The following XRCC5 variants were observed in gnomAD, a reference collection of about 807,000 sequenced individuals.
XRCC5 encodes the protein X-ray repair cross complementing 5.
Under a neutral mutation model 95.7 loss-of-function variants are expected in XRCC5, and 12 were observed. That is an observed-to-expected ratio of 0.13 (90% CI 0.08 to 0.20). The LOEUF (loss-of-function observed/expected upper bound fraction) is 0.20, where lower values mean the gene tolerates loss of function less well. Among genes scored for constraint, XRCC5 ranks in the 10% least tolerant of loss-of-function variants. The pLI is 1.00. For synonymous variants in XRCC5, 281 were observed against 290.3 expected (o/e 0.97, Z 0.33); for missense variants, 595 against 873.9 (o/e 0.68, Z 4.02).
intron 14 of XRCC5, among the ~76,000 whole-genome samples, chr2:216,149,122 T>A (rs1351179378): frequency 1.3e-5 from 2 of 152,208 alleles, no homozygotes; most frequent in African/African-American, 4.8e-5. Flanking sequence ...CAACTATCTT[T>A]ATTGACAAAG....
Position 216,117,757 on chromosome 2 carries a change from C to A in XRCC5, c.331C>A (p.Leu111Ile), listed in dbSNP as rs1696726784. The change falls in exon 4 of 21, where the codon CTA becomes ATA. Residue 111 changes from leucine to isoleucine, a missense_variant. By Grantham distance (5) the Leu-to-Ile change is conservative. This residue lies in a region of XRCC5 where 286 missense variants were observed against 491.1 expected (regional missense o/e 0.58). Transcript: ENST00000392132. Reference sequence around the variant, plus strand: ...CTTAACTAGCTGAGTCCTGGATGCACTAATCGTGAGCATGGATGTGATTCA... The same window carrying A: ...CTTAACTAGCTGAGTCCTGGATGCAATAATCGTGAGCATGGATGTGATTCA... ...GSQQADFLDA[L>I]IVSMDVIQHE... is the part of the protein sequence containing the mutation. 6.2e-7 allele frequency: 1 copy of A among 1,613,982 alleles called. No homozygotes were observed. Among genetic ancestry groups the A allele is most frequent in the Admixed American group, 1.7e-5 (1 of 59,992 alleles).
At position 216,190,435 on chromosome 2, in the gene XRCC5, T is replaced by G. The variant is rs548123652; in HGVS notation, c.1944+101T>G. ...GGAAATGAGTCTGGGCCGTGGAAAT[T>G]ATCATTCTCAATATGAATAGCAGTG... is the stretch of plus-strand genomic sequence containing the variant. On this transcript the variant is annotated intron_variant, in intron 17 of 20. Transcript: ENST00000392132. 7.8e-6 allele frequency: 8 copies of G among 1,021,818 alleles called. No homozygotes were observed. The East Asian group carries it at 2.0e-4, about 26-fold the overall frequency. 63.3% of individuals were successfully genotyped at this position (1,021,818 alleles called of 1,614,324 possible). A position where few individuals can be genotyped will look rare whatever the true frequency, so the allele number is the denominator to read the frequency against.
chr2:216,118,789 A>G (rs1696748125), intron 4 of XRCC5, among the ~76,000 whole-genome samples: 1 of 152,188 alleles, frequency 6.6e-6, no homozygotes, highest in Non-Finnish European at 1.5e-5. Context: ...TTTTTTCATC[A>G]CATTTGAGTT....
intron 14 of XRCC5, among the ~76,000 whole-genome samples, chr2:216,154,488 T>C (rs1169594272): frequency 6.6e-6 from 1 of 152,230 alleles, no homozygotes; most frequent in Admixed American, 6.5e-5. Flanking sequence ...GTAGGCCTTC[T>C]CATTTTAGCC....
intron 16 of XRCC5, among the ~76,000 whole-genome samples, chr2:216,172,608 A>G (rs1467001065): frequency 6.6e-6 from 1 of 151,504 alleles, no homozygotes. Context: ...AGCTGGGATT[A>G]CAGGCATGAG....
chr2:216,111,352 A>T, intron 1 of XRCC5: 1 of 446,464 alleles, frequency 2.2e-6, no homozygotes, highest in African/African-American at 2.0e-5. Flanking sequence ...TGAGACCCCA[A>T]CTCTACAAAA....
chr2:216,122,729 G>A (rs1393892989), intron 6 of XRCC5, among the ~76,000 whole-genome samples: 3 of 145,988 alleles, frequency 2.1e-5, no homozygotes, highest in Non-Finnish European at 3.0e-5. Flanking sequence ...TTAAACTTTT[G>A]ATCACAAAGC....
At chr2:216,127,109 G>A (rs1188217749) in intron 7 of XRCC5, among the ~76,000 whole-genome samples, 1 of 152,088 alleles carries the variant, frequency 6.6e-6, no homozygotes, top group East Asian at 1.9e-4. Flanking sequence ...GCATGGTGAT[G>A]TGCGTCTGTA....
chr2:216,132,925 G>T, intron 10 of XRCC5, among the ~76,000 whole-genome samples: 1 of 152,146 alleles, frequency 6.6e-6, no homozygotes, highest in East Asian at 1.9e-4. Context: ...AACTTTGTTG[G>T]AGATACTGAT....
chr2:216,197,473 A>G (rs1055730872), intron 19 of XRCC5, among the ~76,000 whole-genome samples: 6 of 151,136 alleles, frequency 4.0e-5, no homozygotes, highest in African/African-American at 1.5e-4. Flanking sequence ...AAAAAAGACA[A>G]CTCTCAAAAC....
At chr2:216,176,442 G>A (rs767546863) in intron 16 of XRCC5, among the ~76,000 whole-genome samples, 12 of 152,126 alleles carry the variant, frequency 7.9e-5, no homozygotes, top group Non-Finnish European at 1.6e-4. Context: ...AATAAATCTG[G>A]TCAGTTTTAA....
chr2:216,136,819 G>A (rs937397899), intron 10 of XRCC5, among the ~76,000 whole-genome samples: 3 of 152,164 alleles, frequency 2.0e-5, no homozygotes, highest in African/African-American at 7.2e-5. Flanking sequence ...GTTTAGGAGG[G>A]CTGACATGAG....
chr2:216,114,971 T>C (rs906271611), intron 2 of XRCC5, among the ~76,000 whole-genome samples: 4 of 152,040 alleles, frequency 2.6e-5, no homozygotes, highest in African/African-American at 9.7e-5. Flanking sequence ...CAAAGGAGAC[T>C]GGAAGCCCGG....
At chr2:216,170,532 A>C (rs932147838) in intron 16 of XRCC5, among the ~76,000 whole-genome samples, 2 of 152,202 alleles carry the variant, frequency 1.3e-5, no homozygotes, top group African/African-American at 4.8e-5. Context: ...ATGAGATATC[A>C]AAAGAACTCA....
intron 10 of XRCC5, among the ~76,000 whole-genome samples, chr2:216,132,865 A>C (rs1181262635): frequency 6.6e-6 from 1 of 152,116 alleles, no homozygotes. Context: ...TTCTATACTC[A>C]CATCTGCCCT....
chr2:216,175,053 C>G (rs1689247628), intron 16 of XRCC5: 1 of 314,692 alleles, frequency 3.2e-6, no homozygotes, highest in African/African-American at 2.2e-5. Flanking sequence ...CATTATAGTT[C>G]CCACCACCAC....
intron 16 of XRCC5, chr2:216,175,302 C>G: frequency 2.2e-6 from 1 of 451,088 alleles, no homozygotes. Context: ...CCACCAGAGC[C>G]TCCTCTTCCA....
chr2:216,154,343 A>G (rs1559249421), intron 14 of XRCC5, among the ~76,000 whole-genome samples: 1 of 152,244 alleles, frequency 6.6e-6, no homozygotes, highest in Non-Finnish European at 1.5e-5. Context: ...GGATGCTGAT[A>G]ATAGCTAACT....
At chr2:216,152,039 T>C (rs1016372066) in intron 14 of XRCC5, among the ~76,000 whole-genome samples, 2 of 152,160 alleles carry the variant, frequency 1.3e-5, no homozygotes, top group African/African-American at 4.8e-5. Flanking sequence ...TCAGATCTCA[T>C]GAGAATTCAC....
Sources: gnomAD v4.1 joint callset for allele counts (sites outside exome capture counted in the v4.1 genomes callset) on GRCh38, gnomAD v4.1.1 for gene constraint, gnomAD v4.1.1 regional missense constraint, MANE v1.5 for transcripts, NCBI Gene and HGNC (gene_info 2026-07-23, HGNC 2026-07-21) for gene names.